ELAVL2: variants seen among roughly 807,000 people sequenced by gnomAD.
The protein encoded by ELAVL2 is ELAV-like protein 2.
In ELAVL2, 4 loss-of-function variants were observed where a neutral mutation model predicts 34.6. The observed-to-expected ratio is 0.12, with a 90% CI of 0.06 to 0.26. The LOEUF (loss-of-function observed/expected upper bound fraction) is 0.26. ELAVL2 is among the 10% of genes least tolerant of loss of function. The probability of loss-of-function intolerance (pLI) is 1.00; values close to 1 mark genes in which losing one functional copy is unlikely to be tolerated. For synonymous variants in ELAVL2, 193 were observed against 154.8 expected (o/e 1.25, Z -1.83); for missense variants, 432 against 442.8 (o/e 0.98, Z 0.22).
intron 1 of ELAVL2, among the ~76,000 whole-genome samples, chr9:23,821,031 C>G (rs1398344399): frequency 6.6e-6 from 1 of 152,208 alleles, no homozygotes; most frequent in Admixed American, 6.5e-5. Context: ...AGTCTCCAAA[C>G]GCCCCGAGAG....
intron 4 of ELAVL2, among the ~76,000 whole-genome samples, chr9:23,704,564 G>A (rs1013652704): frequency 5.3e-5 from 8 of 152,102 alleles, no homozygotes; most frequent in Non-Finnish European, 1.0e-4. Context: ...ATTAAACTTC[G>A]CTTTTTGACA....
chr9:23,792,442 C>T (rs2137269987), intron 1 of ELAVL2, among the ~76,000 whole-genome samples: 1 of 152,242 alleles, frequency 6.6e-6, no homozygotes, highest in Middle Eastern at 3.4e-3. Context: ...TGAGTGTCTA[C>T]CAATATCTAC....
chr9:23,792,978 T>C (rs985113724), intron 1 of ELAVL2, among the ~76,000 whole-genome samples: 1 of 152,092 alleles, frequency 6.6e-6, no homozygotes, highest in African/African-American at 2.4e-5. Flanking sequence ...GTCCTCACTA[T>C]GTTGTTGAGA....
At chr9:23,822,299 A>G (rs1487804437) in intron 1 of ELAVL2, among the ~76,000 whole-genome samples, 1 of 152,136 alleles carries the variant, frequency 6.6e-6, no homozygotes, top group Admixed American at 6.5e-5. Context: ...ATAAAGGCTT[A>G]GCCCCCTGCT....
chr9:23,761,345 A>T (rs533425099), intron 2 of ELAVL2, among the ~76,000 whole-genome samples: 1 of 152,178 alleles, frequency 6.6e-6, no homozygotes, highest in African/African-American at 2.4e-5. Context: ...CGTGCTCTTT[A>T]AATTAGGTTT....
intron 3 of ELAVL2, among the ~76,000 whole-genome samples, chr9:23,715,242 G>C (rs3793572): frequency 2.0e-5 from 3 of 152,120 alleles, no homozygotes; most frequent in Non-Finnish European, 4.4e-5. Context: ...TCCACCTCCC[G>C]GGTTCACACC....
At chr9:23,704,604 A>C (rs2133329718) in intron 4 of ELAVL2, among the ~76,000 whole-genome samples, 1 of 152,318 alleles carries the variant, frequency 6.6e-6, no homozygotes, top group African/African-American at 2.4e-5. Flanking sequence ...GTACTCTATA[A>C]GCAGGATGGG....
intron 1 of ELAVL2, among the ~76,000 whole-genome samples, chr9:23,779,922 T>C (rs2058807090): frequency 6.9e-6 from 1 of 143,910 alleles, no homozygotes; most frequent in African/African-American, 2.6e-5. Context: ...TGCAGAGTAT[T>C]ATGTTAATGC....
At chr9:23,767,252 TCTA>T (rs1289526752) in intron 1 of ELAVL2, among the ~76,000 whole-genome samples, 3 of 152,252 alleles carry the variant, frequency 2.0e-5, no homozygotes, top group African/African-American at 4.8e-5. Context: ...AATTTTAACA[TCTA>T]CTGTTTTCAC....
rs78849174 is a variant in ELAVL2 at position 23,728,530 on chromosome 9, T to A, written c.333+2492A>T. ...AGGGTAAAACAGTAGAGAAACACCATAGAGTTTTGAGTGAGCAGTAACACG... is the reference window on the plus strand; with the variant it reads ...AGGGTAAAACAGTAGAGAAACACCAAAGAGTTTTGAGTGAGCAGTAACACG... On this transcript the variant is annotated intron_variant, in intron 3 of 6. Transcript: ENST00000397312. 3.3e-5 allele frequency among the ~76,000 whole-genome samples: 5 copies of A among 152,058 alleles called. No homozygotes were observed. The South Asian group carries it at 1.0e-3, about 32-fold the overall frequency.
chr9:23,714,113 C>A (rs1464747096), intron 3 of ELAVL2, among the ~76,000 whole-genome samples: 1 of 152,134 alleles, frequency 6.6e-6, no homozygotes, highest in Admixed American at 6.5e-5. Context: ...ATAATGATAG[C>A]TCCTAACACT....
At chr9:23,829,593 T>C (rs957280692), upstream of ELAVL2, 1 of 152,220 alleles carries the variant, frequency 6.6e-6, no homozygotes, top group Non-Finnish European at 1.5e-5. Context: ...ATTGGAAATA[T>C]GATAGTTTAA....
chr9:23,798,622 A>G (rs1251905670), intron 1 of ELAVL2, among the ~76,000 whole-genome samples: 1 of 152,174 alleles, frequency 6.6e-6, no homozygotes, highest in Non-Finnish European at 1.5e-5. Flanking sequence ...AACATTTCAT[A>G]TAAAGTATCA....
intron 1 of ELAVL2, among the ~76,000 whole-genome samples, chr9:23,775,577 G>A (rs772565849): frequency 1.3e-5 from 2 of 152,014 alleles, no homozygotes; most frequent in Non-Finnish European, 2.9e-5. Flanking sequence ...ACGGCTGTGG[G>A]GATCTAACTA....
chr9:23,796,038 T>C (rs2060882767), intron 1 of ELAVL2, among the ~76,000 whole-genome samples: 1 of 152,224 alleles, frequency 6.6e-6, no homozygotes, highest in Non-Finnish European at 1.5e-5. Flanking sequence ...ATTTTGGTCC[T>C]TGGACCTTCA....
chr9:23,716,049 G>A (rs1404602968), intron 3 of ELAVL2, among the ~76,000 whole-genome samples: 3 of 151,824 alleles, frequency 2.0e-5, no homozygotes, highest in Non-Finnish European at 4.4e-5. Flanking sequence ...CTCACATAAC[G>A]GGATACCTTT....
At chr9:23,704,638 G>C (rs1434274314) in intron 4 of ELAVL2, among the ~76,000 whole-genome samples, 9 of 152,118 alleles carry the variant, frequency 5.9e-5, no homozygotes, top group Non-Finnish European at 1.3e-4. Context: ...CAGTGGCTTG[G>C]AAATGAAGAT....
At chr9:23,710,349 G>A (rs944364219) in intron 3 of ELAVL2, among the ~76,000 whole-genome samples, 2 of 152,168 alleles carry the variant, frequency 1.3e-5, no homozygotes, top group Non-Finnish European at 2.9e-5. Context: ...ACATAGCAAT[G>A]TTTAAAATCC....
At chr9:23,795,938 G>GA (rs969610915) in intron 1 of ELAVL2, among the ~76,000 whole-genome samples, 3 of 152,144 alleles carry the variant, frequency 2.0e-5, no homozygotes, top group Non-Finnish European at 2.9e-5. Flanking sequence ...CAAACCGGGG[G>GA]AAAAATGCAT....
Sources: allele counts gnomAD v4.1 joint callset (sites outside exome capture counted in the v4.1 genomes callset), GRCh38; gene constraint gnomAD v4.1.1; transcripts MANE v1.5; gene names NCBI Gene and HGNC (gene_info 2026-07-23, HGNC 2026-07-21).